Variants in MAGI1 observed in about 807,000 individuals in gnomAD.
MAGI1 encodes membrane-associated guanylate kinase, WW and PDZ domain-containing protein 1.
MAGI1 carries 58 observed loss-of-function variants against 139.9 expected under a neutral mutation model. That is an observed-to-expected ratio of 0.41 (90% CI 0.34 to 0.52). The LOEUF (loss-of-function observed/expected upper bound fraction) is 0.52. Ranked by LOEUF, MAGI1 falls within the 20% of genes least tolerant of loss-of-function variation. The pLI, the probability that MAGI1 is intolerant of heterozygous loss-of-function variation, is 0.12. For missense variants in MAGI1, 1,874 were observed against 1,901.6 expected (o/e 0.99, Z 0.27); for synonymous variants, 812 against 737.9 (o/e 1.10, Z -1.63).
intron 1 of MAGI1, among the ~76,000 whole-genome samples, chr3:65,892,714 AAATTCT>A (rs1286789062): frequency 6.6e-6 from 1 of 152,212 alleles, no homozygotes; most frequent in Non-Finnish European, 1.5e-5. Flanking sequence ...GAATCCCTGG[AAATTCT>A]AATTCTGTAG....
At chr3:65,397,675 T>C (rs1451365817) in intron 13 of MAGI1, among the ~76,000 whole-genome samples, 1 of 152,188 alleles carries the variant, frequency 6.6e-6, no homozygotes, top group Non-Finnish European at 1.5e-5. Flanking sequence ...ACTCCACAGC[T>C]CAATCACAGC....
At chr3:65,414,184 A>G (rs1559534411) in intron 12 of MAGI1, among the ~76,000 whole-genome samples, 1 of 152,216 alleles carries the variant, frequency 6.6e-6, no homozygotes, top group South Asian at 2.1e-4. Context: ...AAGCTGTCAT[A>G]AAGTTTCTGA....
chr3:65,675,610 T>G (rs2087139335), intron 1 of MAGI1, among the ~76,000 whole-genome samples: 1 of 152,128 alleles, frequency 6.6e-6, no homozygotes, highest in Admixed American at 6.5e-5. Flanking sequence ...ACAGACCAAG[T>G]AGGTCTTAAT....
intron 1 of MAGI1, among the ~76,000 whole-genome samples, chr3:65,885,864 A>T (rs72893522): frequency 0.032 from 4,893 of 152,286 alleles, 244 homozygotes; most frequent in African/African-American, 0.11. Flanking sequence ...AATGGTTATA[A>T]TTTATACAAT....
chr3:65,688,179 G>T, intron 1 of MAGI1: 1 of 763,866 alleles, frequency 1.3e-6, no homozygotes, highest in East Asian at 3.3e-5. Flanking sequence ...CCGTGAGAGC[G>T]GCAACTTCAG....
intron 1 of MAGI1, among the ~76,000 whole-genome samples, chr3:65,749,001 C>T (rs1183750107): frequency 1.3e-5 from 2 of 152,088 alleles, no homozygotes; most frequent in Non-Finnish European, 2.9e-5. Flanking sequence ...AGGCCAGCGG[C>T]AGTAGGGGTG....
intron 1 of MAGI1, among the ~76,000 whole-genome samples, chr3:65,809,626 A>G (rs976178004): frequency 6.6e-6 from 1 of 152,178 alleles, no homozygotes; most frequent in Non-Finnish European, 1.5e-5. Context: ...AACTCAAACT[A>G]AAGATGGGAC....
chr3:65,633,773 A>C (rs1293885939), intron 1 of MAGI1, among the ~76,000 whole-genome samples: 1 of 152,230 alleles, frequency 6.6e-6, no homozygotes, highest in Non-Finnish European at 1.5e-5. Flanking sequence ...TACAGAAAGC[A>C]GAAAGACAAT....
At chr3:65,752,221 T>C (rs1025245773) in intron 1 of MAGI1, among the ~76,000 whole-genome samples, 1 of 152,160 alleles carries the variant, frequency 6.6e-6, no homozygotes. Flanking sequence ...AGTGCTGGGA[T>C]TACAAGAGTG....
At chr3:65,871,488 G>A (rs928766032) in intron 1 of MAGI1, among the ~76,000 whole-genome samples, 2 of 152,220 alleles carry the variant, frequency 1.3e-5, no homozygotes, top group African/African-American at 4.8e-5. Flanking sequence ...TGCTGAAGGG[G>A]AAAGAGAGGA....
At chr3:65,878,875 G>A (rs1221147834) in intron 1 of MAGI1, among the ~76,000 whole-genome samples, 6 of 152,144 alleles carry the variant, frequency 3.9e-5, no homozygotes, top group Non-Finnish European at 8.8e-5. Context: ...GGTATAGGTA[G>A]GGGAAAGAGC....
At chr3:65,488,028 C>A (rs528749333) in intron 3 of MAGI1, among the ~76,000 whole-genome samples, 1 of 152,332 alleles carries the variant, frequency 6.6e-6, no homozygotes, top group South Asian at 2.1e-4. Context: ...ACATTCCCAG[C>A]ATGGAAGGAA....
chr3:65,667,487 G>A (rs779121889), intron 1 of MAGI1, among the ~76,000 whole-genome samples: 22 of 152,204 alleles, frequency 1.4e-4, no homozygotes, highest in Admixed American at 4.6e-4. Flanking sequence ...GAATGCCTGC[G>A]TGTGTGGGAC....
intron 2 of MAGI1, chr3:65,619,816 C>G (rs2083572080): frequency 1.0e-6 from 1 of 978,084 alleles, no homozygotes; most frequent in Non-Finnish European, 1.2e-6. Context: ...AATTTCCTTC[C>G]CATTTTATGA....
intron 18 of MAGI1, among the ~76,000 whole-genome samples, chr3:65,368,147 T>G (rs192053972): frequency 3.3e-5 from 5 of 152,270 alleles, no homozygotes; most frequent in Admixed American, 2.6e-4. Flanking sequence ...AAAGCAAAAT[T>G]GACTACTTAC....
intron 1 of MAGI1, among the ~76,000 whole-genome samples, chr3:65,978,621 C>CTTTTTTTTTTTTTTTTTTTTTTTT (rs373662388): frequency 1.5e-5 from 2 of 129,172 alleles, no homozygotes; most frequent in Non-Finnish European, 1.6e-5. Context: ...CTCAAAATTT[C>CTTTTTTTTTTTTTTTTTTTTTTTT]TTTTTTTTTT....
At chr3:65,921,936 AC>A (rs2062223904) in intron 1 of MAGI1, among the ~76,000 whole-genome samples, 1 of 151,528 alleles carries the variant, frequency 6.6e-6, no homozygotes, top group Non-Finnish European at 1.5e-5. Context: ...ACACACACAC[AC>A]ACACACACAC....
intron 1 of MAGI1, among the ~76,000 whole-genome samples, chr3:65,693,286 G>A (rs1413124129): frequency 1.3e-5 from 2 of 151,982 alleles, no homozygotes; most frequent in Admixed American, 6.6e-5. Flanking sequence ...CCAGTCTCAG[G>A]GATTCAGTTA....
At chr3:66,009,586 C>T (rs2067216253) in intron 1 of MAGI1, among the ~76,000 whole-genome samples, 2 of 152,110 alleles carry the variant, frequency 1.3e-5, no homozygotes, top group African/African-American at 4.8e-5. Context: ...GTAAACTTTC[C>T]AAGGTTCCTA....
Sources: allele counts gnomAD v4.1 joint callset (sites outside exome capture counted in the v4.1 genomes callset), GRCh38; gene constraint gnomAD v4.1.1; transcripts MANE v1.5; gene names NCBI Gene and HGNC (gene_info 2026-07-23, HGNC 2026-07-21).